Variants in DIS3L observed in about 807,000 individuals in gnomAD.
The protein encoded by DIS3L is DIS3 like exosome 3'-5' exoribonuclease.
A neutral mutation model predicts 120.3 loss-of-function variants in DIS3L; 100 were observed. The ratio of observed to expected loss-of-function variants is 0.83; its 90% CI spans 0.71 to 0.98. The LOEUF (loss-of-function observed/expected upper bound fraction) is 0.98, where lower values mean the gene tolerates loss of function less well. DIS3L is among the 50% of genes least tolerant of loss of function. The probability of loss-of-function intolerance (pLI) is 0.00; values close to 1 mark genes in which losing one functional copy is unlikely to be tolerated. For synonymous variants in DIS3L, 426 were observed against 470.6 expected, an observed-to-expected ratio of 0.91 and a Z score of 1.23; for missense variants, 1,196 against 1,314.2, an observed-to-expected ratio of 0.91 and a Z score of 1.39.
chr15:66,332,910 CG>C lies in DIS3L; in HGVS notation c.2856+1del, dbSNP rs763871356. 4 of 1,607,654 alleles carry C rather than the reference CG, an allele frequency of 2.5e-6. No individual in the cohort carries two copies. The highest frequency in any genetic ancestry group is 3.4e-6 in the Non-Finnish European group (4 of 1,177,666). ...CGTTCCATTTGTTTGACCATGTAAC[CG>C]TAAGTCTGTGTTTCTATTAAGTATT... On this transcript the variant is annotated splice_donor_variant, in intron 16 of 16. Coordinates refer to ENST00000319212, the MANE Select transcript of DIS3L (RefSeq NM_001143688.3). LOFTEE classifies it high-confidence loss of function.
chr15:66,319,453 A>G (rs2092856665), intron 8 of DIS3L, among the ~76,000 whole-genome samples: 1 of 152,186 alleles, frequency 6.6e-6, no homozygotes, highest in Non-Finnish European at 1.5e-5. Context: ...ATATAGAAAT[A>G]CGATCACTCT....
chr15:66,306,849 C>G lies in DIS3L; in HGVS notation c.319C>G (p.Leu107Val). The G allele has an allele frequency of 6.2e-7, 1 of 1,614,144 alleles. No individual in the cohort carries two copies. The highest frequency in any genetic ancestry group is 2.2e-5 in the East Asian group (1 of 44,886). ...RRQYNKLRNL[L>V]KDARHDCILF... ...ACAGTATAACAAACTGCGAAACCTGCTGAAGGATGCGCGTCATGATTGCAT... is the reference window on the plus strand; with the variant it reads ...ACAGTATAACAAACTGCGAAACCTGGTGAAGGATGCGCGTCATGATTGCAT... Residue 107 changes from leucine to valine, a missense_variant, in exon 3 of 17, where the codon CTG becomes GTG. By Grantham distance (32) the Leu-to-Val change is conservative. Transcript: ENST00000319212.
chr15:66,293,851 C>T (rs1595705135), intron 1 of DIS3L, 116 bp downstream of exon 1: 1 of 998,748 alleles, frequency 1.0e-6, no homozygotes, highest in Admixed American at 6.4e-5. Flanking sequence ...GCGTAGGCCC[C>T]GCGGCCTGCG....
chr15:66,294,580 A>G, intron 1 of DIS3L: 2 of 970,486 alleles, frequency 2.1e-6, no homozygotes, highest in South Asian at 9.2e-5. Flanking sequence ...GCTGCTGAGC[A>G]CGTGCAGAAG....
At chr15:66,327,571 C>A (rs1391778456) in intron 12 of DIS3L, among the ~76,000 whole-genome samples, 2 of 151,646 alleles carry the variant, frequency 1.3e-5, no homozygotes, top group Admixed American at 6.6e-5. Flanking sequence ...TTCTGGCTAA[C>A]ACGGTGAAAC....
rs141511331 is a variant in DIS3L, at chr15:66,306,806, T to G, written c.294-18T>G. The G allele has an allele frequency of 5.6e-6, 9 of 1,613,444 alleles. No homozygotes were observed. The African/African-American group carries it at 1.1e-4, about 19-fold the overall frequency. On this transcript the variant is annotated intron_variant, in intron 2 of 16. Transcript: ENST00000319212. ...AGTACCTGCTTTGTTAGAGTTATTT[T>G]TCTCCTCCGTGTCACAGACAGTATA...
intron 5 of DIS3L, 140 bp downstream of exon 5, chr15:66,312,040 C>T: frequency 2.0e-6 from 2 of 1,014,402 alleles, no homozygotes; most frequent in Non-Finnish European, 2.8e-6. Context: ...AACCCTGTCT[C>T]TAGAAAAAAT....
chr15:66,303,001 C>T (rs926079687), intron 2 of DIS3L, among the ~76,000 whole-genome samples: 1 of 152,168 alleles, frequency 6.6e-6, no homozygotes, highest in African/African-American at 2.4e-5. Context: ...CCCTATTCTG[C>T]TATTCTACTT....
At chr15:66,323,408 C>T (rs2092905709) in intron 10 of DIS3L, 85 bp from the exon 11 acceptor site, 1 of 1,375,050 alleles carries the variant, frequency 7.3e-7, no homozygotes, top group Non-Finnish European at 1.0e-6. Flanking sequence ...GAGATTTTGG[C>T]CATTTACCTC....
At chr15:66,317,241 A>G (rs1441283070) in intron 7 of DIS3L, among the ~76,000 whole-genome samples, 2 of 150,652 alleles carry the variant, frequency 1.3e-5, no homozygotes, top group Admixed American at 1.3e-4. Flanking sequence ...CTGATTTTAT[A>G]TAAACCCCTT....
intron 8 of DIS3L, among the ~76,000 whole-genome samples, chr15:66,320,300 C>G (rs1463849952): frequency 6.6e-6 from 1 of 152,110 alleles, no homozygotes; most frequent in Non-Finnish European, 1.5e-5. Flanking sequence ...TATTACGGCT[C>G]TCTTCAGCAG....
intron 2 of DIS3L, among the ~76,000 whole-genome samples, chr15:66,302,893 T>C (rs1404871512): frequency 2.0e-5 from 3 of 152,364 alleles, no homozygotes; most frequent in Admixed American, 6.5e-5. Context: ...TAAATACATA[T>C]GCCTTGTTGT....
At chr15:66,313,859 ATG>A (rs201541423) in intron 5 of DIS3L, among the ~76,000 whole-genome samples, 178 bp from the exon 6 acceptor site, 4,576 of 117,406 alleles carry the variant, frequency 0.039, 229 homozygotes, top group African/African-American at 0.12. Flanking sequence ...GCGTATATAT[ATG>A]TGTGTATATA....
At chr15:66,320,835 C>T (rs2092876067) in intron 9 of DIS3L, 103 bp downstream of exon 9, 8 of 1,377,698 alleles carry the variant, frequency 5.8e-6, no homozygotes, top group Non-Finnish European at 7.9e-6. Context: ...GAACAACCCA[C>T]TGTGTGAAGG....
chr15:66,332,690 A>C (rs2093013682), intron 15 of DIS3L, 46 bp from the exon 16 acceptor site: 1 of 1,527,232 alleles, frequency 6.5e-7, no homozygotes, highest in Non-Finnish European at 8.9e-7. Flanking sequence ...AGATCTGTGT[A>C]CTAAGAATAC....
At chr15:66,297,047 G>T (rs75003417) in intron 2 of DIS3L, among the ~76,000 whole-genome samples, 2 of 152,218 alleles carry the variant, frequency 1.3e-5, no homozygotes, top group Admixed American at 6.5e-5. Flanking sequence ...TATGATTGAA[G>T]AAGAGGAAGA....
chr15:66,302,609 C>T (rs2140329641), intron 2 of DIS3L, among the ~76,000 whole-genome samples: 1 of 152,262 alleles, frequency 6.6e-6, no homozygotes, highest in East Asian at 1.9e-4. Context: ...TTACTGTCTG[C>T]TGTCTCGCAC....
Position 66,326,135 on chromosome 15 carries a change from G to A in DIS3L, c.1972G>A (p.Val658Ile), listed in dbSNP as rs760908998. 2.4e-5 allele frequency: 38 copies of A among 1,614,074 alleles called. 1 individual carries two copies. Among genetic ancestry groups the A allele is most frequent in the South Asian group, 1.4e-4 (13 of 91,090 alleles). Residue 658 changes from valine (V) to isoleucine (I), a missense_variant, in exon 12 of 17, where the codon GTA becomes ATA. By Grantham distance (29) the Val-to-Ile change is conservative. Transcript: ENST00000319212. The part of the protein sequence containing the change: ...ALELEGVEVC[V>I]QLDDKKNIHD... ...GGAACTGGAAGGGGTAGAGGTTTGC[G>A]TACAGCTAGATGACAAAAAGAACAT...
rs1193149988 is a variant in DIS3L at position 66,333,753 on chromosome 15, AGTT to A, written c.*442_*444del. 1.3e-5 allele frequency: 2 copies of A among 150,190 alleles called. No homozygotes were observed. Among genetic ancestry groups the A allele is most frequent in the South Asian group, 4.2e-4 (2 of 4,716 alleles). The allele number at this position is 150,190 out of a possible 1,614,324, so 9.3% of individuals were successfully genotyped here. A position where few individuals can be genotyped will look rare whatever the true frequency, so the allele number is the denominator to read the frequency against. ...CAAAAAAAAAAAAAAAAAAAAAAAA[AGTT>A]CTCTCATTCATTAAAGTTGCATTAA... On this transcript the variant is annotated 3_prime_UTR_variant, in exon 17 of 17. Transcript: ENST00000319212.
Sources: gnomAD v4.1 joint callset for allele counts (sites outside exome capture counted in the v4.1 genomes callset) on GRCh38, gnomAD v4.1.1 for gene constraint, MANE v1.5 for transcripts, NCBI Gene and HGNC (gene_info 2026-07-23, HGNC 2026-07-21) for gene names.